The following EEPD1 variants were observed in gnomAD, a reference collection of about 807,000 sequenced individuals.
EEPD1 encodes endonuclease/exonuclease/phosphatase family domain-containing protein 1.
Under a neutral mutation model 46.3 loss-of-function variants are expected in EEPD1, and 17 were observed. The observed-to-expected ratio is 0.37, with a 90% confidence interval of 0.25 to 0.55. The LOEUF (loss-of-function observed/expected upper bound fraction) is 0.55. Ranked by LOEUF, EEPD1 falls within the 20% of genes least tolerant of loss-of-function variation. The pLI is 0.83. For synonymous variants in EEPD1, 313 were observed against 315.6 expected, an observed-to-expected ratio of 0.99 and a Z score of 0.09; for missense variants, 673 against 745.6, an observed-to-expected ratio of 0.90 and a Z score of 1.13.
intron 2 of EEPD1, among the ~76,000 whole-genome samples, chr7:36,192,911 A>G (rs939447910): frequency 6.6e-6 from 1 of 152,226 alleles, no homozygotes; most frequent in African/African-American, 2.4e-5. Context: ...AGTGGTGGCC[A>G]GATCTCCGGA....
intron 5 of EEPD1, among the ~76,000 whole-genome samples, chr7:36,285,610 C>G (rs539376003): frequency 3.3e-5 from 5 of 152,290 alleles, no homozygotes; most frequent in African/African-American, 7.2e-5. Flanking sequence ...AGTCAGTGAG[C>G]CTTATCCCCG....
At chr7:36,279,331 G>A (rs914683657) in intron 3 of EEPD1, among the ~76,000 whole-genome samples, 1 of 152,140 alleles carries the variant, frequency 6.6e-6, no homozygotes, top group African/African-American at 2.4e-5. Context: ...AACTGTAAAA[G>A]CAGCGTCACT....
intron 2 of EEPD1, among the ~76,000 whole-genome samples, chr7:36,221,652 T>A (rs1204119654): frequency 6.6e-6 from 1 of 152,132 alleles, no homozygotes. Flanking sequence ...AGAATACCAG[T>A]GTGATTTTGA....
intron 5 of EEPD1, 133 bp from the exon 6 acceptor site, chr7:36,287,506 G>A (rs1787358914): frequency 1.5e-6 from 2 of 1,344,310 alleles, no homozygotes; most frequent in Non-Finnish European, 2.0e-6. Context: ...TATTTCCTGG[G>A]GGTGTGAGCC....
chr7:36,180,578 C>T (rs746377884), intron 2 of EEPD1, among the ~76,000 whole-genome samples: 3 of 152,126 alleles, frequency 2.0e-5, no homozygotes, highest in African/African-American at 4.8e-5. Context: ...GGAACACATT[C>T]GTGATTGGGG....
chr7:36,279,491 A>G (rs1476182728), intron 3 of EEPD1, among the ~76,000 whole-genome samples: 1 of 152,198 alleles, frequency 6.6e-6, no homozygotes, highest in African/African-American at 2.4e-5. Flanking sequence ...TCTTACAAAT[A>G]AAGCAATGTG....
chr7:36,289,741 G>A (rs1490531157), intron 6 of EEPD1, among the ~76,000 whole-genome samples: 2 of 152,178 alleles, frequency 1.3e-5, no homozygotes, highest in Non-Finnish European at 2.9e-5. Flanking sequence ...TGATCTGCCC[G>A]CCTCGGCCTC....
At chr7:36,281,083 C>G in intron 3 of EEPD1, 32 bp from the exon 4 acceptor site, 1 of 1,603,488 alleles carries the variant, frequency 6.2e-7, no homozygotes, top group Non-Finnish European at 8.5e-7. Flanking sequence ...AGGCGCGAAC[C>G]CACGCTTCTG....
intron 2 of EEPD1, among the ~76,000 whole-genome samples, chr7:36,188,213 T>G (rs201894856): frequency 3.5e-5 from 5 of 140,924 alleles, no homozygotes; most frequent in Non-Finnish European, 6.4e-5. Context: ...TACTCTCTCT[T>G]TCTCTCTCTC....
chr7:36,259,707 G>A (rs1384556847), intron 3 of EEPD1, among the ~76,000 whole-genome samples: 1 of 151,970 alleles, frequency 6.6e-6, no homozygotes, highest in Non-Finnish European at 1.5e-5. Flanking sequence ...GTAGAGACAG[G>A]GTTTCTCTAT....
chr7:36,252,844 T>C (rs1405234670), intron 3 of EEPD1, among the ~76,000 whole-genome samples: 1 of 145,472 alleles, frequency 6.9e-6, no homozygotes, highest in Non-Finnish European at 1.5e-5. Context: ...TTTTTTTTTT[T>C]TTTTTTTTTT....
intron 4 of EEPD1, 55 bp from the exon 5 acceptor site, chr7:36,284,631 C>T (rs1787314014): frequency 6.4e-7 from 1 of 1,574,514 alleles, no homozygotes. Flanking sequence ...TGCCTCCTTT[C>T]CCCAGGTGGC....
chr7:36,253,986 T>G (rs1192720096), intron 3 of EEPD1, among the ~76,000 whole-genome samples: 1 of 152,220 alleles, frequency 6.6e-6, no homozygotes, highest in Non-Finnish European at 1.5e-5. Context: ...TTCTGTGTCT[T>G]ATGTCTTTTT....
intron 2 of EEPD1, among the ~76,000 whole-genome samples, chr7:36,205,070 C>T (rs962284676): frequency 2.0e-5 from 3 of 152,222 alleles, no homozygotes; most frequent in African/African-American, 7.2e-5. Context: ...TTCATTCCCA[C>T]TCCCCCACTG....
intron 2 of EEPD1, among the ~76,000 whole-genome samples, chr7:36,200,395 G>A (rs540905782): frequency 6.6e-6 from 1 of 152,312 alleles, no homozygotes; most frequent in East Asian, 1.9e-4. Flanking sequence ...GGACATTTAA[G>A]TTGATTACAT....
intron 2 of EEPD1, among the ~76,000 whole-genome samples, chr7:36,182,482 T>A (rs17170523): frequency 0.066 from 9,977 of 152,296 alleles, 377 homozygotes; most frequent in South Asian, 0.13. Flanking sequence ...ATATCTTACC[T>A]TTCAAAAACT....
At chr7:36,265,159 G>A (rs937891062) in intron 3 of EEPD1, among the ~76,000 whole-genome samples, 4 of 152,200 alleles carry the variant, frequency 2.6e-5, no homozygotes, top group African/African-American at 9.7e-5. Context: ...GGCAACCAGA[G>A]CGATTTCCCT....
intron 2 of EEPD1, chr7:36,229,011 G>A (rs1786275792): frequency 6.6e-6 from 1 of 152,246 alleles, no homozygotes; most frequent in Non-Finnish European, 1.5e-5. Context: ...AGAGAGAAAG[G>A]CTGCCTGGAG....
intron 3 of EEPD1, among the ~76,000 whole-genome samples, chr7:36,271,186 C>T (rs1787096647): frequency 6.6e-6 from 1 of 152,010 alleles, no homozygotes; most frequent in Non-Finnish European, 1.5e-5. Flanking sequence ...CAGGGTTTTA[C>T]CATGTTGGCC....
Sources: gnomAD v4.1 joint callset for allele counts (sites outside exome capture counted in the v4.1 genomes callset) on GRCh38, gnomAD v4.1.1 for gene constraint, MANE v1.5 for transcripts, NCBI Gene and HGNC (gene_info 2026-07-23, HGNC 2026-07-21) for gene names.